Variants in SEMA6D observed in about 807,000 individuals in gnomAD.
SEMA6D encodes the protein semaphorin-6D.
SEMA6D carries 35 observed loss-of-function variants against 106.6 expected under a neutral mutation model. That is an observed-to-expected ratio of 0.33 (90% CI 0.25 to 0.44). SEMA6D has a LOEUF of 0.44. Ranked by LOEUF, SEMA6D falls within the 20% of genes least tolerant of loss-of-function variation. The pLI is 1.00. For missense variants in SEMA6D, 1,185 were observed against 1,345.9 expected, an observed-to-expected ratio of 0.88 and a Z score of 1.87; for synonymous variants, 499 against 487.7, an observed-to-expected ratio of 1.02 and a Z score of -0.31.
At chr15:47,685,489 G>T (rs916290061) in intron 4 of SEMA6D, among the ~76,000 whole-genome samples, 1 of 152,224 alleles carries the variant, frequency 6.6e-6, no homozygotes, top group Non-Finnish European at 1.5e-5. Flanking sequence ...CATTGAAGGG[G>T]TGAGGAAGGA....
At chr15:47,519,358 C>T (rs1031359379) in intron 3 of SEMA6D, among the ~76,000 whole-genome samples, 12 of 152,128 alleles carry the variant, frequency 7.9e-5, no homozygotes, top group East Asian at 1.9e-4. Flanking sequence ...AGAAATTCTT[C>T]GGCTCCGTTA....
chr15:47,187,060 G>A (rs1485028390), intron 1 of SEMA6D, among the ~76,000 whole-genome samples: 2 of 151,982 alleles, frequency 1.3e-5, no homozygotes, highest in African/African-American at 2.4e-5. Context: ...CTGGCCATTC[G>A]CGTTTATTGA....
intron 2 of SEMA6D, among the ~76,000 whole-genome samples, chr15:47,431,777 A>T (rs8028423): frequency 0.044 from 6,703 of 152,192 alleles, 522 homozygotes; most frequent in African/African-American, 0.15. Context: ...CACAGTTTAG[A>T]CTTCAGATAC....
intron 4 of SEMA6D, among the ~76,000 whole-genome samples, chr15:47,638,127 A>C (rs1459040963): frequency 2.0e-5 from 3 of 151,758 alleles, no homozygotes; most frequent in Admixed American, 1.3e-4. Context: ...AAAAAAACCC[A>C]ATTTCTTAAT....
intron 3 of SEMA6D, among the ~76,000 whole-genome samples, chr15:47,485,735 C>A (rs1475804770): frequency 6.6e-6 from 1 of 152,178 alleles, no homozygotes; most frequent in Middle Eastern, 3.2e-3. Context: ...CACCGAGCCA[C>A]AGTGCTATGG....
intron 1 of SEMA6D, among the ~76,000 whole-genome samples, chr15:47,753,393 C>T (rs1183467807): frequency 3.3e-5 from 5 of 152,116 alleles, no homozygotes; most frequent in African/African-American, 9.7e-5. Flanking sequence ...TCCAAGGTTA[C>T]GACTTTGCAA....
At chr15:47,521,770 G>A (rs985532941) in intron 3 of SEMA6D, among the ~76,000 whole-genome samples, 9 of 152,168 alleles carry the variant, frequency 5.9e-5, no homozygotes, top group Non-Finnish European at 1.3e-4. Context: ...TGGATCACAA[G>A]GTCAGGAGAT....
intron 1 of SEMA6D, among the ~76,000 whole-genome samples, chr15:47,217,021 ATATAAAAACACAGCAATAAGGCACCCTC>A (rs1177993677): frequency 6.6e-6 from 1 of 152,188 alleles, no homozygotes; most frequent in Non-Finnish European, 1.5e-5. Flanking sequence ...TACCTCTTCC[ATATAAAAACACAGCAATAAGGCACCCTC>A]TACAGTCTAA....
At chr15:47,278,889 G>T (rs538681317) in intron 1 of SEMA6D, among the ~76,000 whole-genome samples, 5,109 of 146,370 alleles carry the variant, frequency 0.035, 319 homozygotes, top group African/African-American at 0.13. Context: ...CCCATTGCTT[G>T]TTTTTCTCAG....
At chr15:47,289,415 AAG>A in intron 1 of SEMA6D, among the ~76,000 whole-genome samples, 1 of 151,104 alleles carries the variant, frequency 6.6e-6, no homozygotes, top group Non-Finnish European at 1.5e-5. Flanking sequence ...AAAAAAAAAA[AAG>A]AAAAGGTGAG....
At chr15:47,546,914 A>G (rs748661651) in intron 3 of SEMA6D, among the ~76,000 whole-genome samples, 4 of 151,334 alleles carry the variant, frequency 2.6e-5, no homozygotes, top group Non-Finnish European at 4.4e-5. Flanking sequence ...CCATATTCCA[A>G]CCCAATTCTG....
intron 2 of SEMA6D, among the ~76,000 whole-genome samples, chr15:47,430,403 T>A (rs1251801974): frequency 2.6e-5 from 4 of 151,908 alleles, no homozygotes; most frequent in African/African-American, 9.7e-5. Context: ...TCCAGGGAGT[T>A]TTTTTTTCCT....
chr15:47,653,778 A>G (rs2145023666), intron 4 of SEMA6D, among the ~76,000 whole-genome samples: 1 of 152,348 alleles, frequency 6.6e-6, no homozygotes, highest in Admixed American at 6.5e-5. Flanking sequence ...GTAAACAGCC[A>G]CCCAGAGGGC....
intron 1 of SEMA6D, among the ~76,000 whole-genome samples, chr15:47,209,989 T>TA (rs1233462618): frequency 6.6e-6 from 1 of 152,184 alleles, no homozygotes; most frequent in Non-Finnish European, 1.5e-5. Context: ...ATTCTCTTCT[T>TA]AAAAAGGGAG....
intron 1 of SEMA6D, among the ~76,000 whole-genome samples, chr15:47,724,795 G>T (rs2079633623): frequency 6.6e-6 from 1 of 152,132 alleles, no homozygotes; most frequent in African/African-American, 2.4e-5. Context: ...TCAGCAGATG[G>T]CCCTACAGCT....
chr15:47,395,706 A>G (rs1567049882), intron 1 of SEMA6D: 1 of 152,238 alleles, frequency 6.6e-6, no homozygotes, highest in African/African-American at 2.4e-5. Context: ...ACAAAGACCA[A>G]ATGCTGATAT....
chr15:47,214,915 T>G (rs1595751590), intron 1 of SEMA6D, among the ~76,000 whole-genome samples: 1 of 152,046 alleles, frequency 6.6e-6, no homozygotes, highest in Non-Finnish European at 1.5e-5. Flanking sequence ...TTGGCTAATA[T>G]AGTATCATCT....
At chr15:47,692,786 G>A (rs2078617819) in intron 4 of SEMA6D, among the ~76,000 whole-genome samples, 1 of 151,976 alleles carries the variant, frequency 6.6e-6, no homozygotes, top group South Asian at 2.1e-4. Context: ...ATGACCCTGG[G>A]GTCTCATTCT....
intron 1 of SEMA6D, among the ~76,000 whole-genome samples, chr15:47,723,904 G>A (rs1338875925): frequency 6.6e-6 from 1 of 152,182 alleles, no homozygotes; most frequent in Non-Finnish European, 1.5e-5. Flanking sequence ...ATTGGAGTCT[G>A]TACTTAAAAA....
Sources: gnomAD v4.1 joint callset for allele counts (sites outside exome capture counted in the v4.1 genomes callset) on GRCh38, gnomAD v4.1.1 for gene constraint, MANE v1.5 for transcripts, NCBI Gene and HGNC (gene_info 2026-07-23, HGNC 2026-07-21) for gene names.